The following MAGI2 variants were observed in gnomAD, a reference collection of about 807,000 sequenced individuals.
MAGI2 encodes membrane-associated guanylate kinase, WW and PDZ domain-containing protein 2.
Under a neutral mutation model 133.3 loss-of-function variants are expected in MAGI2, and 35 were observed. The observed-to-expected ratio is 0.26, with a 90% CI of 0.20 to 0.35. MAGI2 has a LOEUF of 0.35. Among genes scored for constraint, MAGI2 ranks in the 10% least tolerant of loss-of-function variants. The pLI is 1.00. For missense variants in MAGI2, 1,636 were observed against 1,863.4 expected (o/e 0.88, Z 2.25); for synonymous variants, 729 against 710.6 (o/e 1.03, Z -0.41).
intron 10 of MAGI2, among the ~76,000 whole-genome samples, chr7:78,201,560 C>T (rs1829253753): frequency 6.6e-6 from 1 of 152,148 alleles, no homozygotes; most frequent in Non-Finnish European, 1.5e-5. Flanking sequence ...ATTTTGATTT[C>T]AAAGGTAAAT....
At chr7:79,435,450 T>C (rs955874112) in intron 1 of MAGI2, among the ~76,000 whole-genome samples, 1 of 152,136 alleles carries the variant, frequency 6.6e-6, no homozygotes, top group East Asian at 1.9e-4. Context: ...ATATGAAAAA[T>C]TAGGAGAATC....
intron 9 of MAGI2, among the ~76,000 whole-genome samples, chr7:78,259,198 GT>G (rs750735194): frequency 6.6e-6 from 1 of 151,878 alleles, no homozygotes; most frequent in East Asian, 1.9e-4. Context: ...TATTCAGTGA[GT>G]TTTTTTTAAC....
chr7:79,056,071 T>C (rs1813120635), intron 1 of MAGI2, among the ~76,000 whole-genome samples: 1 of 152,170 alleles, frequency 6.6e-6, no homozygotes, highest in South Asian at 2.1e-4. Context: ...ATACAACCTA[T>C]CCAAAGTCTT....
intron 1 of MAGI2, among the ~76,000 whole-genome samples, chr7:79,281,970 C>T (rs1207663796): frequency 1.3e-5 from 2 of 151,936 alleles, no homozygotes; most frequent in Admixed American, 1.3e-4. Context: ...TGATTCCTAC[C>T]AATTATTTCC....
At chr7:78,659,545 G>A (rs1812704893) in intron 2 of MAGI2, among the ~76,000 whole-genome samples, 1 of 151,388 alleles carries the variant, frequency 6.6e-6, no homozygotes, top group African/African-American at 2.4e-5. Flanking sequence ...CCAAAAGCTT[G>A]CCTACTGTAT....
At chr7:78,125,086 C>G (rs11767008) in intron 20 of MAGI2, among the ~76,000 whole-genome samples, 17,839 of 151,998 alleles carry the variant, frequency 0.12, 1,379 homozygotes, top group Non-Finnish European at 0.18. Flanking sequence ...GGTTGTTCTC[C>G]ATCTCTTGAC....
intron 2 of MAGI2, among the ~76,000 whole-genome samples, chr7:78,787,605 G>C (rs932919100): frequency 2.6e-5 from 4 of 152,132 alleles, no homozygotes; most frequent in African/African-American, 7.2e-5. Flanking sequence ...TTCTACCCCC[G>C]TTACTGCCAA....
intron 21 of MAGI2, among the ~76,000 whole-genome samples, chr7:78,031,036 G>C (rs1335113612): frequency 2.0e-5 from 3 of 152,254 alleles, no homozygotes; most frequent in Non-Finnish European, 4.4e-5. Context: ...TCAGCTATGA[G>C]ATGGAACAAG....
At chr7:78,682,903 G>T (rs958848855) in intron 2 of MAGI2, among the ~76,000 whole-genome samples, 3 of 152,146 alleles carry the variant, frequency 2.0e-5, no homozygotes, top group Non-Finnish European at 4.4e-5. Flanking sequence ...TTTTCAAAAT[G>T]TAAAACTGTT....
intron 1 of MAGI2, among the ~76,000 whole-genome samples, chr7:79,383,158 T>G (rs548849459): frequency 6.9e-4 from 104 of 151,656 alleles, no homozygotes; most frequent in Admixed American, 9.9e-4. Context: ...TCTCTTTGCC[T>G]CAGAGTATTG....
intron 2 of MAGI2, among the ~76,000 whole-genome samples, chr7:78,816,166 G>C (rs1259413616): frequency 1.3e-5 from 2 of 152,190 alleles, no homozygotes; most frequent in Admixed American, 6.5e-5. Flanking sequence ...AGCTACATTT[G>C]CTGAAATCAA....
chr7:79,226,645 C>A (rs1004479611), intron 1 of MAGI2, among the ~76,000 whole-genome samples: 2 of 152,114 alleles, frequency 1.3e-5, no homozygotes, highest in African/African-American at 4.8e-5. Context: ...TTTCTATCTT[C>A]CATTCTTCTC....
intron 2 of MAGI2, among the ~76,000 whole-genome samples, chr7:78,754,700 G>A (rs1267836715): frequency 6.6e-6 from 1 of 152,196 alleles, no homozygotes; most frequent in East Asian, 1.9e-4. Flanking sequence ...TCTCTTTTGT[G>A]AAATTAATTG....
intron 2 of MAGI2, among the ~76,000 whole-genome samples, chr7:78,685,242 G>C (rs1816150605): frequency 6.6e-6 from 1 of 152,060 alleles, no homozygotes. Flanking sequence ...AGAGTTTAAG[G>C]CTGTCACCCC....
At chr7:78,548,041 G>A (rs1387172000) in intron 3 of MAGI2, among the ~76,000 whole-genome samples, 1 of 152,108 alleles carries the variant, frequency 6.6e-6, no homozygotes, top group Non-Finnish European at 1.5e-5. Context: ...CTAGCTCATG[G>A]TAACCTATCA....
chr7:79,443,229 G>A (rs1848607110), intron 1 of MAGI2, among the ~76,000 whole-genome samples: 1 of 151,740 alleles, frequency 6.6e-6, no homozygotes, highest in Non-Finnish European at 1.5e-5. Flanking sequence ...CAGAGATGAT[G>A]CCACTATACT....
intron 1 of MAGI2, among the ~76,000 whole-genome samples, chr7:79,212,630 T>C (rs751066739): frequency 1.3e-5 from 2 of 152,084 alleles, no homozygotes; most frequent in African/African-American, 4.8e-5. Context: ...ATTCTTCGTG[T>C]CTCTTCTTAC....
intron 1 of MAGI2, among the ~76,000 whole-genome samples, chr7:79,359,089 T>A (rs1482842794): frequency 6.6e-6 from 1 of 152,056 alleles, no homozygotes; most frequent in Non-Finnish European, 1.5e-5. Context: ...TAAAAATGCT[T>A]CAAGAATTAA....
At chr7:79,326,363 G>C (rs1031820351) in intron 1 of MAGI2, among the ~76,000 whole-genome samples, 1 of 152,014 alleles carries the variant, frequency 6.6e-6, no homozygotes, top group African/African-American at 2.4e-5. Context: ...TACCACATTA[G>C]GATTGTTAAC....
Sources: allele counts gnomAD v4.1 joint callset (sites outside exome capture counted in the v4.1 genomes callset), GRCh38; gene constraint gnomAD v4.1.1; transcripts MANE v1.5; gene names NCBI Gene and HGNC (gene_info 2026-07-23, HGNC 2026-07-21).